GRM8: variants seen among roughly 807,000 people sequenced by gnomAD.
GRM8 encodes metabotropic glutamate receptor 8.
A neutral mutation model predicts 87.2 loss-of-function variants in GRM8; 47 were observed. The ratio of observed to expected loss-of-function variants is 0.54; its 90% confidence interval spans 0.43 to 0.69. GRM8 has a LOEUF of 0.69. GRM8 is among the 30% of genes least tolerant of loss of function. GRM8 has a pLI of 0.00. For missense variants in GRM8, 1,019 were observed against 1,139.2 expected (o/e 0.89, Z 1.52); for synonymous variants, 396 against 404.5 (o/e 0.98, Z 0.25).
chr7:126,979,675 T>C (rs769567299), intron 3 of GRM8, among the ~76,000 whole-genome samples: 10 of 152,208 alleles, frequency 6.6e-5, no homozygotes, highest in Non-Finnish European at 1.5e-4. Flanking sequence ...GTAAACTCAT[T>C]TTTACTGCTA....
intron 9 of GRM8, among the ~76,000 whole-genome samples, chr7:126,457,719 T>C (rs1803412191): frequency 6.6e-6 from 1 of 151,104 alleles, no homozygotes. Context: ...TTGATATGAT[T>C]ATTCATCTCA....
At chr7:126,764,024 A>G (rs1817918331) in intron 7 of GRM8, among the ~76,000 whole-genome samples, 1 of 151,976 alleles carries the variant, frequency 6.6e-6, no homozygotes, top group South Asian at 2.1e-4. Context: ...ATGTATTAAC[A>G]ATGACTTCTT....
intron 2 of GRM8, among the ~76,000 whole-genome samples, chr7:127,146,311 G>A (rs550161918): frequency 3.3e-5 from 5 of 152,090 alleles, no homozygotes; most frequent in South Asian, 4.1e-4. Flanking sequence ...GCACTCTGTC[G>A]CTGAAGAGAG....
intron 6 of GRM8, among the ~76,000 whole-genome samples, chr7:126,889,236 C>G (rs922188366): frequency 1.8e-4 from 28 of 152,204 alleles, no homozygotes; most frequent in African/African-American, 6.5e-4. Flanking sequence ...TCTAAAAATG[C>G]GGAAAATAAG....
chr7:127,161,268 A>C (rs1444873433), intron 2 of GRM8, among the ~76,000 whole-genome samples: 1 of 152,184 alleles, frequency 6.6e-6, no homozygotes, highest in Non-Finnish European at 1.5e-5. Flanking sequence ...AGAGCAAAGA[A>C]GGAAAAGAGG....
chr7:126,586,990 A>C (rs1796198472), intron 8 of GRM8, among the ~76,000 whole-genome samples: 2 of 152,198 alleles, frequency 1.3e-5, no homozygotes, highest in African/African-American at 2.4e-5. Context: ...ACAAAAAAAA[A>C]CCAAGCCCAT....
intron 7 of GRM8, chr7:126,701,773 GA>G: frequency 7.8e-7 from 1 of 1,275,604 alleles, no homozygotes; most frequent in Non-Finnish European, 1.0e-6. Context: ...ACTGGAAAAT[GA>G]AGGAGTAAAA....
At chr7:127,011,625 T>A (rs1323596681) in intron 3 of GRM8, among the ~76,000 whole-genome samples, 2 of 152,198 alleles carry the variant, frequency 1.3e-5, no homozygotes. Context: ...GAAAATAGAT[T>A]GTGATGTTCA....
At chr7:126,624,056 A>G (rs1033151703) in intron 7 of GRM8, among the ~76,000 whole-genome samples, 2 of 152,218 alleles carry the variant, frequency 1.3e-5, no homozygotes, top group South Asian at 2.1e-4. Context: ...TGTCTTGGCT[A>G]CTATAACCTC....
intron 6 of GRM8, among the ~76,000 whole-genome samples, chr7:126,832,171 C>CAAA (rs11412862): frequency 1.3e-5 from 1 of 77,668 alleles, no homozygotes; most frequent in South Asian, 3.7e-4. Context: ...TGCCATCTTC[C>CAAA]AAAAAAAAAA....
At chr7:126,948,817 G>T (rs909808335) in intron 3 of GRM8, among the ~76,000 whole-genome samples, 1 of 152,190 alleles carries the variant, frequency 6.6e-6, no homozygotes, top group Non-Finnish European at 1.5e-5. Context: ...GCCACTCATG[G>T]CTGGCTCAGT....
At chr7:126,446,888 T>C (rs191059661) in intron 9 of GRM8, among the ~76,000 whole-genome samples, 72 of 152,100 alleles carry the variant, frequency 4.7e-4, no homozygotes, top group African/African-American at 1.6e-3. Context: ...TAATTCCAAC[T>C]ACCAAAAATC....
intron 2 of GRM8, among the ~76,000 whole-genome samples, chr7:127,209,309 A>G (rs1796083736): frequency 6.6e-6 from 1 of 152,202 alleles, no homozygotes; most frequent in South Asian, 2.1e-4. Flanking sequence ...GAACCTCATT[A>G]ACACCCCACC....
intron 7 of GRM8, among the ~76,000 whole-genome samples, chr7:126,668,259 A>G (rs1220989207): frequency 6.6e-6 from 1 of 152,086 alleles, no homozygotes; most frequent in African/African-American, 2.4e-5. Context: ...GTGAGCCTAA[A>G]TTTTCATAGC....
intron 3 of GRM8, among the ~76,000 whole-genome samples, chr7:126,954,557 A>T (rs1376540870): frequency 2.0e-5 from 3 of 152,148 alleles, no homozygotes; most frequent in African/African-American, 7.2e-5. Flanking sequence ...CTTCCCCCTT[A>T]TGAGAAATAG....
At chr7:126,889,345 A>T (rs1001945571) in intron 6 of GRM8, among the ~76,000 whole-genome samples, 3 of 152,114 alleles carry the variant, frequency 2.0e-5, no homozygotes, top group African/African-American at 7.2e-5. Context: ...GAATTATTAA[A>T]CACAGAAAGC....
chr7:126,649,927 C>T (rs1052374948), intron 7 of GRM8, among the ~76,000 whole-genome samples: 1 of 152,130 alleles, frequency 6.6e-6, no homozygotes, highest in Non-Finnish European at 1.5e-5. Context: ...GTATTTGGAG[C>T]CTTTGGCAGG....
chr7:126,471,554 C>T (rs1805233004), intron 9 of GRM8, among the ~76,000 whole-genome samples: 1 of 151,906 alleles, frequency 6.6e-6, no homozygotes, highest in Non-Finnish European at 1.5e-5. Flanking sequence ...ATCTATATCT[C>T]TGTTTTGGTA....
intron 3 of GRM8, among the ~76,000 whole-genome samples, chr7:127,103,943 A>G (rs1391080929): frequency 6.6e-6 from 1 of 152,138 alleles, no homozygotes; most frequent in Non-Finnish European, 1.5e-5. Flanking sequence ...CATAAACTTC[A>G]TTCTCCCAGA....
Sources: gnomAD v4.1 joint callset for allele counts (sites outside exome capture counted in the v4.1 genomes callset) on GRCh38, gnomAD v4.1.1 for gene constraint, MANE v1.5 for transcripts, NCBI Gene and HGNC (gene_info 2026-07-23, HGNC 2026-07-21) for gene names.